Variants in FOXK1 observed in about 807,000 individuals in gnomAD.
FOXK1 encodes forkhead box protein K1.
In FOXK1, 19 loss-of-function variants were observed where a neutral mutation model predicts 51.9. The observed-to-expected ratio is 0.37, with a 90% CI of 0.26 to 0.54. The LOEUF is 0.54. Ranked by LOEUF, FOXK1 falls within the 20% of genes least tolerant of loss-of-function variation. The pLI is 0.87. For missense variants in FOXK1, 870 were observed against 1,032.7 expected, an observed-to-expected ratio of 0.84 and a Z score of 2.16; for synonymous variants, 537 against 482.6, an observed-to-expected ratio of 1.11 and a Z score of -1.48.
rs893232552 is a variant in FOXK1 at position 4,723,112 on chromosome 7, G to A, written c.561-17726G>A. 1.3e-5 allele frequency among the ~76,000 whole-genome samples: 2 copies of A among 151,862 alleles called. No individual in the cohort carries two copies. Among genetic ancestry groups the A allele is most frequent in the Admixed American group, 6.6e-5 (1 of 15,216 alleles). On this transcript the variant is annotated intron_variant, in intron 1 of 8. Coordinates refer to ENST00000328914, the MANE Select transcript of FOXK1 (RefSeq NM_001037165.2). This position sits in a 1 kb window ranked among gnomAD's most constrained non-coding sequence, Gnocchi z 4.7. ...TGTTGACGATGATGGTAACGGCACC[G>A]TGCTCACTCCAACGCCGTGGCTGTG... is the stretch of plus-strand genomic sequence containing the variant.
intron 1 of FOXK1, among the ~76,000 whole-genome samples, chr7:4,699,849 T>G (rs569184878): frequency 3.9e-5 from 6 of 152,348 alleles, no homozygotes; most frequent in African/African-American, 1.4e-4. Context: ...TTCATGTGCT[T>G]GCGTTTCCTG....
At chr7:4,700,350 A>C (rs1562370757) in intron 1 of FOXK1, among the ~76,000 whole-genome samples, 1 of 152,234 alleles carries the variant, frequency 6.6e-6, no homozygotes, top group Non-Finnish European at 1.5e-5. Flanking sequence ...GGTGTAAGAA[A>C]GTGATCAGAA....
rs540793844 is a variant in FOXK1 at position 4,717,615 on chromosome 7, C to A, written c.561-23223C>A. On this transcript the variant is annotated intron_variant, in intron 1 of 8. Coordinates refer to ENST00000328914, the MANE Select transcript of FOXK1 (RefSeq NM_001037165.2). The stretch of plus-strand genomic sequence containing the variant: ...CTGTAAGGCAAGTGTCTGTGAAGCG[C>A]ATGACGGGAGGTACTCCACCCTAGC... 6.6e-5 allele frequency among the ~76,000 whole-genome samples: 10 copies of A among 152,200 alleles called. No individual in the cohort carries two copies. In the East Asian group the frequency reaches 1.9e-3, roughly 30 times the overall value.
chr7:4,712,418 C>T lies in FOXK1; in HGVS notation c.561-28420C>T, dbSNP rs189064736. Reference sequence around the variant, plus strand: ...TTGGAGTGAAGGCTCCGCATTCAGACGCCTTTCGCCTTACGTCATCATAAT... The same window carrying T: ...TTGGAGTGAAGGCTCCGCATTCAGATGCCTTTCGCCTTACGTCATCATAAT... On this transcript the variant is annotated intron_variant, in intron 1 of 8. Transcript: ENST00000328914. Among the ~76,000 whole-genome samples the T allele has an allele frequency of 1.1e-4, 17 of 152,242 alleles. No homozygotes were observed. In the East Asian group the frequency reaches 1.7e-3, roughly 16 times the overall value.
At chr7:4,706,348 G>A (rs896938122) in intron 1 of FOXK1, among the ~76,000 whole-genome samples, 2 of 151,860 alleles carry the variant, frequency 1.3e-5, no homozygotes. Flanking sequence ...AGTGGGTAAA[G>A]TGCTCTGGCA....
At chr7:4,699,971 C>T (rs886385042) in intron 1 of FOXK1, among the ~76,000 whole-genome samples, 4 of 152,088 alleles carry the variant, frequency 2.6e-5, no homozygotes, top group Admixed American at 6.6e-5. Context: ...TAACATTGAC[C>T]GAGTACCATG....
At position 4,764,492 on chromosome 7, in the gene FOXK1, T is replaced by G. The variant is rs948109497; in HGVS notation, c.*2028T>G. 1.9e-5 allele frequency: 3 copies of G among 154,244 alleles called. No homozygotes were observed. The highest frequency in any genetic ancestry group is 1.2e-3 in the Middle Eastern group (2 of 1,612). The allele number at this position is 154,244 out of a possible 1,614,324, so 9.6% of individuals were successfully genotyped here. ...GAGATTGCGCCCCGTTCCACACTTG[T>G]GTCGCCTGCTGTTGTCTGTGGGCCT... On this transcript the variant is annotated 3_prime_UTR_variant, in exon 9 of 9. Coordinates refer to ENST00000328914, the MANE Select transcript of FOXK1 (RefSeq NM_001037165.2).
At chr7:4,708,371 T>C (rs552967225) in intron 1 of FOXK1, among the ~76,000 whole-genome samples, 6 of 152,188 alleles carry the variant, frequency 3.9e-5, no homozygotes, top group African/African-American at 1.4e-4. Flanking sequence ...GCCTCCTTCA[T>C]CCAGGGCTGC....
In FOXK1 at chr7:4,769,273, A is replaced by C. The variant is rs971094746; in HGVS notation, c.*6809A>C. The C allele has an allele frequency of 6.6e-6, 1 of 152,064 alleles. No homozygotes were observed. The highest frequency in any genetic ancestry group is 6.5e-5 in the Admixed American group (1 of 15,276). The allele number at this position is 152,064 out of a possible 1,614,324, so 9.4% of individuals were successfully genotyped here. On this transcript the variant is annotated 3_prime_UTR_variant, in exon 9 of 9. Coordinates refer to ENST00000328914, the MANE Select transcript of FOXK1 (RefSeq NM_001037165.2). The surrounding 1 kb of genome is among the most constrained non-coding windows in gnomAD (Gnocchi z 4.1). The stretch of plus-strand genomic sequence containing the variant: ...GGGGCCAGGGAGAAGCCGTGAATGT[A>C]TTTATTTGCTTTGGTGAAGCTGCTG...
At chr7:4,725,743 T>TGGCTGCCCGGGCTG (rs1297232770) in intron 1 of FOXK1, among the ~76,000 whole-genome samples, 4 of 152,376 alleles carry the variant, frequency 2.6e-5, no homozygotes, top group Non-Finnish European at 5.9e-5. Context: ...TCAACTGCCG[T>TGGCTGCCCGGGCTG]GGCTGCCCGG....
intron 1 of FOXK1, among the ~76,000 whole-genome samples, chr7:4,739,711 C>T (rs571793339): frequency 6.6e-5 from 10 of 152,356 alleles, no homozygotes; most frequent in East Asian, 3.9e-4. Flanking sequence ...GGATAATGCA[C>T]GCTCTCTGCG....
Position 4,747,729 on chromosome 7 carries a change from T to G in FOXK1, c.746+6706T>G, listed in dbSNP as rs553331838. Among the ~76,000 whole-genome samples, 241 of 152,084 alleles carry G rather than the reference T, an allele frequency of 1.6e-3. 2 individuals are homozygous for G. Among genetic ancestry groups the G allele is most frequent in the Admixed American group, 2.0e-3 (31 of 15,272 alleles). On this transcript the variant is annotated intron_variant, in intron 2 of 8. Transcript: ENST00000328914. The surrounding 1 kb of genome is among the most constrained non-coding windows in gnomAD (Gnocchi z 9.2). The stretch of plus-strand genomic sequence containing the variant: ...TCATTTTTTATTTTCGTTGAGATGG[T>G]GTCTTGCCCAGGCTGGTCCTGAACT...
rs753928794 is a variant in FOXK1, at chr7:4,753,171, C to T, written c.747-1288C>T. Among the ~76,000 whole-genome samples the T allele has an allele frequency of 1.3e-5, 2 of 152,202 alleles. No individual in the cohort carries two copies. Among genetic ancestry groups the T allele is most frequent in the African/African-American group, 4.8e-5 (2 of 41,464 alleles). ...GAGTCCTTCCTGAAAATGCCCCAGA[C>T]CTGAACTGATCATTAATGTCAGCTG... is the stretch of plus-strand genomic sequence containing the variant. On this transcript the variant is annotated intron_variant, in intron 2 of 8. Transcript: ENST00000328914. The surrounding 1 kb of genome is among the most constrained non-coding windows in gnomAD (Gnocchi z 4.9).
Position 4,754,462 on chromosome 7 carries a change from C to T in FOXK1, c.750C>T (p.Val250=), listed in dbSNP as rs765344611. 1.5e-5 allele frequency: 24 copies of T among 1,612,846 alleles called. No homozygotes were observed. In the South Asian group the frequency reaches 2.4e-4, roughly 16 times the overall value. The change falls in exon 3 of 9, where the codon GTC becomes GTT. Residue 250 remains valine, a synonymous_variant. Coordinates refer to ENST00000328914, the MANE Select transcript of FOXK1 (RefSeq NM_001037165.2). Reference sequence around the variant, plus strand: ...CAGTGTCCTTCTCTCTCCTCAGTGTCCCCAACTCCTGCCCAGCCAGTCCAC... The same window carrying T: ...CAGTGTCCTTCTCTCTCCTCAGTGTTCCCAACTCCTGCCCAGCCAGTCCAC... ...PVPSPTGTIS[V]PNSCPASPRG... is the part of the protein sequence containing the mutation.
chr7:4,754,249 G>A (rs1190382658), intron 2 of FOXK1, among the ~76,000 whole-genome samples: 2 of 152,250 alleles, frequency 1.3e-5, no homozygotes, highest in Non-Finnish European at 2.9e-5. Context: ...CCGAGCAGAA[G>A]TCACCACTGG....
Position 4,759,411 on chromosome 7 carries a change from C to A in FOXK1, c.1512C>A (p.Thr504=), listed in dbSNP as rs370135047. 1 of 1,600,776 alleles carries A rather than the reference C, an allele frequency of 6.2e-7. No homozygotes were observed. Among genetic ancestry groups the A allele is most frequent in the African/African-American group, 1.3e-5 (1 of 74,956 alleles). Residue 504 remains threonine (T), a synonymous_variant, in exon 7 of 9, where the codon ACC becomes ACA. Transcript: ENST00000328914. ...PVAYMPASIV[T]SQQPAGHAIH... is the part of the protein sequence containing the mutation. ...CCTACATGCCCGCCTCCATCGTAAC[C>A]TCACAGCAGCCCGCGGGCCACGCCA...
Position 4,740,973 on chromosome 7 carries a change from G to C in FOXK1, c.696G>C (p.Pro232=), listed in dbSNP as rs189078597. 6.4e-7 allele frequency: 1 copy of C among 1,563,278 alleles called. No individual in the cohort carries two copies. Among genetic ancestry groups the C allele is most frequent in the Non-Finnish European group, 8.6e-7 (1 of 1,159,480 alleles). The part of the protein sequence containing the change: ...ISPLKIHIPE[P]DLRSMVSPVP... ...CTCTGAAGATCCACATCCCGGAGCC[G>C]GACCTCCGGAGCATGGTCAGCCCCG... is the stretch of plus-strand genomic sequence containing the variant. The change falls in exon 2 of 9, where the codon CCG becomes CCC. Residue 232 remains proline (P), a synonymous_variant. Transcript: ENST00000328914.
intron 1 of FOXK1, among the ~76,000 whole-genome samples, chr7:4,708,517 AT>A (rs1409791664): frequency 6.6e-6 from 1 of 152,210 alleles, no homozygotes; most frequent in African/African-American, 2.4e-5. Context: ...TTAGGGTGGA[AT>A]TTTACATGGC....
At chr7:4,696,041 A>G (rs904840341) in intron 1 of FOXK1, among the ~76,000 whole-genome samples, 1 of 150,884 alleles carries the variant, frequency 6.6e-6, no homozygotes, top group Admixed American at 6.6e-5. Context: ...TCTTGAACCC[A>G]GGAGGTGGAG....
Sources: allele counts gnomAD v4.1 joint callset (sites outside exome capture counted in the v4.1 genomes callset), GRCh38; gene constraint gnomAD v4.1.1; non-coding constraint Gnocchi (gnomAD v3.1); transcripts MANE v1.5; gene names NCBI Gene and HGNC (gene_info 2026-07-23, HGNC 2026-07-21).